JMJD1C: variants seen among roughly 807,000 people sequenced by gnomAD.
The protein encoded by JMJD1C is jumonji domain-containing protein 1C.
JMJD1C carries 31 observed loss-of-function variants against 245.3 expected under a neutral mutation model. The observed-to-expected ratio is 0.13, with a 90% CI of 0.09 to 0.17. JMJD1C has a LOEUF of 0.17. Ranked by LOEUF, JMJD1C falls within the 10% of genes least tolerant of loss-of-function variation. The pLI is 1.00. For missense variants in JMJD1C, 2,691 were observed against 3,000.2 expected, an observed-to-expected ratio of 0.90 and a Z score of 2.41; for synonymous variants, 1,057 against 1,017.4, an observed-to-expected ratio of 1.04 and a Z score of -0.74.
At chr10:63,451,339 CAGAG>C (rs1445215183) in intron 1 of JMJD1C, among the ~76,000 whole-genome samples, 1 of 152,150 alleles carries the variant, frequency 6.6e-6, no homozygotes, top group Non-Finnish European at 1.5e-5. Context: ...TGAAAAAGAA[CAGAG>C]TTGAATAACT....
At chr10:63,433,582 TTTTC>T (rs201670954) in intron 1 of JMJD1C, among the ~76,000 whole-genome samples, 1,582 of 143,130 alleles carry the variant, frequency 0.011, 5 homozygotes, top group Middle Eastern at 0.022. Context: ...TTTTCTTTTC[TTTTC>T]TTTTTTTTTT....
chr10:63,212,661 T>C (rs772995234), intron 8 of JMJD1C, among the ~76,000 whole-genome samples: 9 of 152,092 alleles, frequency 5.9e-5, no homozygotes, highest in East Asian at 1.9e-4. Context: ...GGGGGTTAAA[T>C]AGTCAAACAC....
At chr10:63,183,611 ATATG>A (rs1843740547) in intron 21 of JMJD1C, 42 bp from the exon 22 acceptor site, 2 of 1,197,694 alleles carry the variant, frequency 1.7e-6, no homozygotes, top group African/African-American at 3.1e-5. Context: ...ATATTTATAT[ATATG>A]TAATAGCATA....
At chr10:63,350,616 CTT>C (rs71025164) in intron 2 of JMJD1C, among the ~76,000 whole-genome samples, 139 of 119,356 alleles carry the variant, frequency 1.2e-3, no homozygotes, top group African/African-American at 1.3e-3. Flanking sequence ...GCAGAACCAA[CTT>C]TTTTTTTTTT....
At chr10:63,484,800 A>G (rs1350491145) in intron 1 of JMJD1C, among the ~76,000 whole-genome samples, 1 of 152,098 alleles carries the variant, frequency 6.6e-6, no homozygotes, top group African/African-American at 2.4e-5. Flanking sequence ...TTAATGACAT[A>G]TTTCTGACAA....
intron 2 of JMJD1C, among the ~76,000 whole-genome samples, chr10:63,370,441 T>G (rs1316782745): frequency 6.6e-6 from 1 of 152,222 alleles, no homozygotes; most frequent in Non-Finnish European, 1.5e-5. Flanking sequence ...ATTACTATTA[T>G]GAACACAGTG....
chr10:63,507,935 T>A (rs1022324080), intron 1 of JMJD1C, among the ~76,000 whole-genome samples: 1 of 152,254 alleles, frequency 6.6e-6, no homozygotes, highest in Non-Finnish European at 1.5e-5. Flanking sequence ...ATTCTTACTG[T>A]TGACGTTGAA....
Position 63,207,545 on chromosome 10 carries a change from A to T in JMJD1C, c.4124T>A (p.Val1375Asp). The T allele has an allele frequency of 6.2e-7, 1 of 1,614,142 alleles. No homozygotes were observed. The highest frequency in any genetic ancestry group is 1.1e-5 in the South Asian group (1 of 91,090). The change falls in exon 10 of 26, where the codon GTC (valine) becomes GAC (aspartate). Residue 1375 changes from valine to aspartate, a missense_variant. Around this residue, in one of 9 missense-constraint regions of JMJD1C, gnomAD observed 1,562 missense variants for 1,490.7 expected, o/e 1.05. Coordinates refer to ENST00000399262, the MANE Select transcript of JMJD1C (RefSeq NM_032776.3). ...HTKSEKNFQA[V>D]SQGSVPSSVM... ...TGAACTGGGAACACTGCCCTGTGAG[A>T]CAGCCTGAAAGTTTTTTTCAGATTT...
intron 2 of JMJD1C, among the ~76,000 whole-genome samples, chr10:63,367,542 G>A (rs919180707): frequency 3.9e-5 from 6 of 152,148 alleles, no homozygotes; most frequent in Admixed American, 3.9e-4. Flanking sequence ...TACTGTACCC[G>A]GCAATTCACC....
intron 3 of JMJD1C, chr10:63,222,765 C>G (rs1393653485): frequency 3.7e-5 from 56 of 1,494,762 alleles, no homozygotes; most frequent in Non-Finnish European, 1.2e-5. Context: ...AAAACTGAAA[C>G]TAATTTGGAA....
chr10:63,494,472 C>A (rs1451319602), intron 1 of JMJD1C, among the ~76,000 whole-genome samples: 1 of 152,036 alleles, frequency 6.6e-6, no homozygotes, highest in East Asian at 1.9e-4. Context: ...AAATTAACTT[C>A]TTTTTATATT....
chr10:63,386,956 C>T (rs1947652163), intron 1 of JMJD1C, among the ~76,000 whole-genome samples: 1 of 152,128 alleles, frequency 6.6e-6, no homozygotes, highest in South Asian at 2.1e-4. Context: ...CCAAAGGAGC[C>T]CAAAGTGGCC....
intron 1 of JMJD1C, among the ~76,000 whole-genome samples, chr10:63,410,354 C>T (rs1949409918): frequency 6.6e-6 from 1 of 152,166 alleles, no homozygotes; most frequent in Admixed American, 6.5e-5. Flanking sequence ...GTGATCTCTA[C>T]TTAGTCTAAC....
intron 10 of JMJD1C, among the ~76,000 whole-genome samples, chr10:63,206,354 G>C (rs1306439153): frequency 5.3e-5 from 8 of 152,126 alleles, no homozygotes; most frequent in Non-Finnish European, 1.2e-4. Context: ...ATGACTGTCA[G>C]GTAAGATATA....
intron 1 of JMJD1C, among the ~76,000 whole-genome samples, chr10:63,494,523 A>T (rs1564969458): frequency 6.6e-6 from 1 of 152,058 alleles, no homozygotes; most frequent in Non-Finnish European, 1.5e-5. Context: ...AAGTAAAAAA[A>T]ATATTTTTAA....
At chr10:63,435,056 T>C (rs762734837) in intron 1 of JMJD1C, among the ~76,000 whole-genome samples, 53 of 152,250 alleles carry the variant, frequency 3.5e-4, no homozygotes, top group Non-Finnish European at 1.5e-4. Context: ...AAATGTTGTC[T>C]CTACTGAACA....
At chr10:63,388,472 G>A (rs1182429271) in intron 1 of JMJD1C, among the ~76,000 whole-genome samples, 1 of 152,006 alleles carries the variant, frequency 6.6e-6, no homozygotes, top group Non-Finnish European at 1.5e-5. Context: ...AAATCTACAA[G>A]AAATGCTTAA....
intron 22 of JMJD1C, among the ~76,000 whole-genome samples, chr10:63,179,477 TA>T (rs1411526568): frequency 2.6e-5 from 4 of 151,176 alleles, no homozygotes; most frequent in Non-Finnish European, 5.9e-5. Context: ...TATTTAGCCA[TA>T]AAAATGAAAT....
intron 2 of JMJD1C, among the ~76,000 whole-genome samples, chr10:63,293,381 T>C (rs1363971535): frequency 1.3e-5 from 2 of 152,188 alleles, no homozygotes; most frequent in Non-Finnish European, 2.9e-5. Flanking sequence ...CAAGAATATA[T>C]CACTACCTTC....
Sources: gnomAD v4.1 joint callset for allele counts (sites outside exome capture counted in the v4.1 genomes callset) on GRCh38, gnomAD v4.1.1 for gene constraint, gnomAD v4.1.1 regional missense constraint, MANE v1.5 for transcripts, NCBI Gene and HGNC (gene_info 2026-07-23, HGNC 2026-07-21) for gene names.